NEK11: variants seen among roughly 807,000 people sequenced by gnomAD.
NEK11 encodes the protein NIMA related kinase 11.
NEK11 carries 72 observed loss-of-function variants against 80.7 expected under a neutral mutation model. That is an observed-to-expected ratio of 0.89 (90% CI 0.74 to 1.08). The LOEUF (loss-of-function observed/expected upper bound fraction) is 1.08. Ranked by LOEUF, NEK11 falls within the 50% of genes least tolerant of loss-of-function variation. NEK11 has a pLI of 0.00. For missense variants in NEK11, 764 were observed against 763.6 expected (o/e 1.00, Z -0.01); for synonymous variants, 251 against 260.7 (o/e 0.96, Z 0.36).
rs1002410196 is a variant in NEK11, at chr3:131,170,885, A to G, written c.1397A>G (p.His466Arg). Residue 466 changes from histidine (H) to arginine (R), a missense_variant and splice_region_variant, in exon 14 of 18, where the codon CAT becomes CGT. Coordinates refer to ENST00000383366, the MANE Select transcript of NEK11 (RefSeq NM_024800.5). ...VEDATSDLGYHEIPEDPLVAE... is the reference protein window; with the variant it reads ...VEDATSDLGYREIPEDPLVAE... ...GATGCCACATCTGACCTTGGATACC[A>G]TGGTATGTGTTTGCATTGATTTTCA... The G allele has an allele frequency of 6.2e-7, 1 of 1,606,798 alleles. No homozygotes were observed. Among genetic ancestry groups the G allele is most frequent in the Non-Finnish European group, 8.5e-7 (1 of 1,173,438 alleles).
At chr3:131,179,646 G>T (rs2093237657) in intron 14 of NEK11, among the ~76,000 whole-genome samples, 3 of 152,114 alleles carry the variant, frequency 2.0e-5, no homozygotes, top group Admixed American at 2.0e-4. Context: ...ATTCAAGTTT[G>T]ATATTCTTAT....
chr3:131,215,306 G>A (rs950978728), intron 14 of NEK11, among the ~76,000 whole-genome samples: 1 of 151,286 alleles, frequency 6.6e-6, no homozygotes, highest in Non-Finnish European at 1.5e-5. Flanking sequence ...ATAGCATTAG[G>A]AGATATACCT....
In NEK11 at chr3:131,059,161, AT is replaced by A. The variant is rs534415083; in HGVS notation, c.171-21261del. On this transcript the variant is annotated intron_variant, in intron 3 of 17. Coordinates refer to ENST00000383366, the MANE Select transcript of NEK11 (RefSeq NM_024800.5). ...CAGTCTTCTTGGTTCCCCTGAAAATATGTTTTAGCTAATCAAAACTACTATG... is the reference window on the plus strand; with the variant it reads ...CAGTCTTCTTGGTTCCCCTGAAAATAGTTTTAGCTAATCAAAACTACTATG... Among the ~76,000 whole-genome samples, 461 of 152,292 alleles carry A rather than the reference AT, an allele frequency of 3.0e-3. 1 individual carries two copies. The highest frequency in any genetic ancestry group is 6.8e-3 in the Middle Eastern group (2 of 294).
chr3:131,098,925 C>T (rs1178136046), intron 4 of NEK11, among the ~76,000 whole-genome samples: 1 of 151,760 alleles, frequency 6.6e-6, no homozygotes, highest in East Asian at 1.9e-4. Context: ...CCATTCTGTA[C>T]ATCATTTGTT....
rs2097428711 is a variant in NEK11, at chr3:131,349,948, C to T, written c.*172C>T. 1.7e-6 allele frequency: 1 copy of T among 604,626 alleles called. No individual in the cohort carries two copies. Among genetic ancestry groups the T allele is most frequent in the Non-Finnish European group, 2.9e-6 (1 of 343,152 alleles). The allele number at this position is 604,626 out of a possible 1,614,324, so 37.5% of individuals were successfully genotyped here. A position where few individuals can be genotyped will look rare whatever the true frequency, so the allele number is the denominator to read the frequency against. On this transcript the variant is annotated 3_prime_UTR_variant, in exon 18 of 18. Transcript: ENST00000383366. ...CTTTAGAGAGTAGTAAGCATGGCTG[C>T]CTATGCTTGGAGTCATAAGTGTTAT...
At chr3:131,268,385 G>C (rs1207773400) in intron 16 of NEK11, among the ~76,000 whole-genome samples, 1 of 152,154 alleles carries the variant, frequency 6.6e-6, no homozygotes, top group East Asian at 1.9e-4. Flanking sequence ...TTTTTGTGCT[G>C]GTTTTTCCTC....
chr3:131,175,664 G>C (rs1244820344), intron 14 of NEK11, among the ~76,000 whole-genome samples: 1 of 152,056 alleles, frequency 6.6e-6, no homozygotes, highest in East Asian at 1.9e-4. Flanking sequence ...TTGTAAGTTT[G>C]CTATCTTGAT....
chr3:131,054,774 AAATAAATAAATAAATAAATG>A (rs1436527659), intron 3 of NEK11, among the ~76,000 whole-genome samples: 20 of 142,710 alleles, frequency 1.4e-4, no homozygotes, highest in African/African-American at 5.1e-4. Flanking sequence ...ATAAATAAAT[AAATAAATAAATAAATAAATG>A]AATGAATGTA....
At chr3:131,193,242 T>C (rs1368408924) in intron 14 of NEK11, among the ~76,000 whole-genome samples, 1 of 152,192 alleles carries the variant, frequency 6.6e-6, no homozygotes, top group Non-Finnish European at 1.5e-5. Context: ...GGTAGTCTCA[T>C]ATCTGCTTTG....
At chr3:131,075,741 T>C (rs1001474296) in intron 3 of NEK11, among the ~76,000 whole-genome samples, 2 of 152,170 alleles carry the variant, frequency 1.3e-5, no homozygotes, top group Non-Finnish European at 1.5e-5. Context: ...CCAAAGTGTT[T>C]ACAGTTATTT....
chr3:131,197,869 A>G (rs541564216), intron 14 of NEK11, among the ~76,000 whole-genome samples: 1 of 152,142 alleles, frequency 6.6e-6, no homozygotes, highest in South Asian at 2.1e-4. Context: ...TTTGACTTCA[A>G]TATCTGCTTG....
chr3:131,073,003 G>GC (rs2073700583), intron 3 of NEK11, among the ~76,000 whole-genome samples: 1 of 152,122 alleles, frequency 6.6e-6, no homozygotes, highest in Non-Finnish European at 1.5e-5. Flanking sequence ...GAAGGGCTTT[G>GC]CATGACACAG....
intron 3 of NEK11, among the ~76,000 whole-genome samples, chr3:131,041,731 G>A (rs1043067503): frequency 5.9e-5 from 9 of 152,110 alleles, no homozygotes; most frequent in African/African-American, 2.2e-4. Context: ...ACTATACTTG[G>A]ACATGAACTC....
intron 12 of NEK11, among the ~76,000 whole-genome samples, chr3:131,167,298 C>G (rs2092318498): frequency 6.6e-6 from 1 of 152,100 alleles, no homozygotes; most frequent in Admixed American, 6.6e-5. Flanking sequence ...TCAGGGATCA[C>G]TGATTCTAAG....
intron 17 of NEK11, among the ~76,000 whole-genome samples, chr3:131,334,776 A>G (rs191973796): frequency 6.6e-6 from 1 of 152,250 alleles, no homozygotes; most frequent in Admixed American, 6.5e-5. Context: ...ATACAAAATG[A>G]TAAAGGGGAT....
intron 14 of NEK11, among the ~76,000 whole-genome samples, chr3:131,212,989 GAGA>G (rs1172085977): frequency 6.6e-6 from 1 of 152,158 alleles, no homozygotes; most frequent in African/African-American, 2.4e-5. Context: ...AAAGCTTTAA[GAGA>G]AGAAGACTGA....
intron 16 of NEK11, among the ~76,000 whole-genome samples, chr3:131,267,072 C>T (rs1262945719): frequency 6.6e-6 from 1 of 152,088 alleles, no homozygotes; most frequent in Middle Eastern, 3.2e-3. Flanking sequence ...TATTTTGAGC[C>T]TATGTGTGTC....
At chr3:131,300,089 T>C (rs2096644612) in intron 17 of NEK11, among the ~76,000 whole-genome samples, 1 of 152,210 alleles carries the variant, frequency 6.6e-6, no homozygotes, top group African/African-American at 2.4e-5. Context: ...TGGGAAATGG[T>C]ATCTCATTGT....
chr3:131,181,433 T>C (rs1197980814), intron 14 of NEK11, among the ~76,000 whole-genome samples: 1 of 152,232 alleles, frequency 6.6e-6, no homozygotes, highest in African/African-American at 2.4e-5. Flanking sequence ...GTCAGACTTC[T>C]GATCTACAGA....
Sources: gnomAD v4.1 joint callset for allele counts (sites outside exome capture counted in the v4.1 genomes callset) on GRCh38, gnomAD v4.1.1 for gene constraint, MANE v1.5 for transcripts, NCBI Gene and HGNC (gene_info 2026-07-23, HGNC 2026-07-21) for gene names.